PTPRU: variants seen among roughly 807,000 people sequenced by gnomAD.
PTPRU encodes the protein receptor-type tyrosine-protein phosphatase U.
Under a neutral mutation model 166.3 loss-of-function variants are expected in PTPRU, and 69 were observed. That is an observed-to-expected ratio of 0.41 (90% CI 0.34 to 0.51). The LOEUF (loss-of-function observed/expected upper bound fraction) is 0.51. PTPRU is among the 20% of genes least tolerant of loss of function. The pLI, the probability that PTPRU is intolerant of heterozygous loss-of-function variation, is 0.09. For missense variants in PTPRU, 1,657 were observed against 2,013.7 expected, an observed-to-expected ratio of 0.82 and a Z score of 3.39; for synonymous variants, 793 against 814.0, an observed-to-expected ratio of 0.97 and a Z score of 0.44.
At chr1:29,313,499 TAA>T (rs2151967584) in intron 22 of PTPRU, among the ~76,000 whole-genome samples, 1 of 152,344 alleles carries the variant, frequency 6.6e-6, no homozygotes, top group Admixed American at 6.5e-5. Flanking sequence ...GAAATATGTT[TAA>T]AAATATGAAT....
At chr1:29,293,244 T>C (rs914793488) in intron 15 of PTPRU, among the ~76,000 whole-genome samples, 20 of 152,096 alleles carry the variant, frequency 1.3e-4, no homozygotes, top group African/African-American at 4.8e-4. Context: ...TCCCAGAGTC[T>C]TGGGATTACA....
intron 7 of PTPRU, among the ~76,000 whole-genome samples, chr1:29,267,363 C>T (rs551509847): frequency 8.5e-5 from 13 of 152,234 alleles, no homozygotes; most frequent in South Asian, 4.2e-4. Flanking sequence ...TGGCATATAC[C>T]GAGGGAGGAC....
intron 7 of PTPRU, among the ~76,000 whole-genome samples, chr1:29,267,115 A>G (rs1172563485): frequency 6.6e-6 from 1 of 152,218 alleles, no homozygotes; most frequent in Non-Finnish European, 1.5e-5. Flanking sequence ...CTGTAGTCAC[A>G]GCTATTCAGG....
chr1:29,311,786 G>A lies in PTPRU; in HGVS notation c.3072+27G>A. The A allele has an allele frequency of 1.3e-6, 2 of 1,598,746 alleles. No homozygotes were observed. The highest frequency in any genetic ancestry group is 1.1e-5 in the South Asian group (1 of 89,674). ...TGAGTCTCCCCACCGCCTGTTCCCT[G>A]CAGAGGGTGCCTGAGCAGGGATTAG... On this transcript the variant is annotated intron_variant, in intron 21 of 29. Transcript: ENST00000373779. This position sits in a 1 kb window ranked among gnomAD's most constrained non-coding sequence, Gnocchi z 4.1.
At chr1:29,285,193 G>A in intron 14 of PTPRU, among the ~76,000 whole-genome samples, 1 of 152,170 alleles carries the variant, frequency 6.6e-6, no homozygotes, top group Admixed American at 6.5e-5. Flanking sequence ...GCATAGAGGT[G>A]ACCTGGCTTT....
At chr1:29,284,406 T>C (rs1182148000) in intron 13 of PTPRU, among the ~76,000 whole-genome samples, 1 of 152,158 alleles carries the variant, frequency 6.6e-6, no homozygotes, top group East Asian at 1.9e-4. Context: ...CTAATCCCTG[T>C]TACCTCCCAG....
chr1:29,272,166 C>T (rs1375495764), intron 7 of PTPRU, among the ~76,000 whole-genome samples: 9 of 152,170 alleles, frequency 5.9e-5, no homozygotes, highest in South Asian at 4.1e-4. Flanking sequence ...TGGCTTAAAA[C>T]AAAACTACAT....
intron 4 of PTPRU, 33 bp from the exon 5 acceptor site, chr1:29,259,416 G>C: frequency 5.0e-6 from 8 of 1,607,896 alleles, no homozygotes; most frequent in Non-Finnish European, 6.8e-6. Flanking sequence ...AGGGGGTGCA[G>C]GCCCAGCTCA....
In PTPRU at chr1:29,252,323, AG is replaced by A. The variant is rs1209163570; in HGVS notation, c.74-2948del. On this transcript the variant is annotated intron_variant, in intron 1 of 29. Transcript: ENST00000373779. ...CACTCTGTCACCCTGGCTGGAGTGCAGGGGTACCATCTCAGCTCACTGCAAC... is the reference window on the plus strand; with the variant it reads ...CACTCTGTCACCCTGGCTGGAGTGCAGGGTACCATCTCAGCTCACTGCAAC... 4.8e-5 allele frequency among the ~76,000 whole-genome samples: 7 copies of A among 147,004 alleles called. No individual in the cohort carries two copies. The East Asian group carries it at 1.4e-3, about 29-fold the overall frequency.
At position 29,259,559 on chromosome 1, in the gene PTPRU, T is replaced by C. The variant is rs767876425; in HGVS notation, c.670T>C (p.Leu224=). The C allele has an allele frequency of 1.3e-6, 2 of 1,588,308 alleles. No homozygotes were observed. The highest frequency in any genetic ancestry group is 2.2e-5 in the South Asian group (2 of 90,034). ...AGCGGCCGAGGCCGAACGCTTCCTC[T>C]TGCAAGTGAGCGGGAGCGGTGATCT... ...GRAAEAERFL[L]QRQSGALVPA... is the part of the protein sequence containing the mutation. The change falls in exon 5 of 30, where the codon TTG becomes CTG. Residue 224 remains leucine (L), a synonymous_variant. Coordinates refer to ENST00000373779, the MANE Select transcript of PTPRU (RefSeq NM_133178.4).
At chr1:29,308,837 C>A (rs1003450341) in intron 18 of PTPRU, among the ~76,000 whole-genome samples, 9 of 151,798 alleles carry the variant, frequency 5.9e-5, no homozygotes, top group Admixed American at 2.6e-4. Flanking sequence ...GCCTGGGTAA[C>A]ATAGTGAGAC....
At chr1:29,281,123 G>A (rs1324857105) in intron 11 of PTPRU, among the ~76,000 whole-genome samples, 3 of 152,118 alleles carry the variant, frequency 2.0e-5, no homozygotes, top group Non-Finnish European at 1.5e-5. Context: ...TAGGTGGGGG[G>A]GGTGTGAGGG....
intron 7 of PTPRU, among the ~76,000 whole-genome samples, chr1:29,274,022 T>C (rs935979301): frequency 1.3e-5 from 2 of 152,132 alleles, no homozygotes; most frequent in Admixed American, 6.6e-5. Context: ...AAGGATTAAA[T>C]GAGATAAAGC....
rs1684248636 is a variant in PTPRU at position 29,245,356 on chromosome 1, TGTG to T, written c.73+8641_73+8643del. ...CCAGATGAGATTTCGGCCCCCAACTTGTGGGGTGAGCCAGCGTGGCCGGGCAGA... is the reference window on the plus strand; with the variant it reads ...CCAGATGAGATTTCGGCCCCCAACTTGGGTGAGCCAGCGTGGCCGGGCAGA... On this transcript the variant is annotated intron_variant, in intron 1 of 29. Transcript: ENST00000373779. Among the ~76,000 whole-genome samples, 10 of 152,162 alleles carry T rather than the reference TGTG, an allele frequency of 6.6e-5. No individual in the cohort carries two copies. In the South Asian group the frequency reaches 2.1e-3, roughly 32 times the overall value.
intron 1 of PTPRU, among the ~76,000 whole-genome samples, chr1:29,245,142 A>G (rs1316569301): frequency 6.6e-6 from 1 of 152,070 alleles, no homozygotes; most frequent in Non-Finnish European, 1.5e-5. Context: ...CTGTACTTTA[A>G]TTGTCTGAGA....
chr1:29,302,142 C>A, intron 15 of PTPRU, among the ~76,000 whole-genome samples: 1 of 142,374 alleles, frequency 7.0e-6, no homozygotes, highest in East Asian at 2.0e-4. Flanking sequence ...CAGGCCTAGG[C>A]TAATGTGTAT....
Position 29,259,439 on chromosome 1 carries a change from A to G in PTPRU, c.560-10A>G. The G allele has an allele frequency of 6.2e-7, 1 of 1,609,980 alleles. No individual in the cohort carries two copies. Among genetic ancestry groups the G allele is most frequent in the Non-Finnish European group, 8.5e-7 (1 of 1,177,370 alleles). On this transcript the variant is annotated splice_polypyrimidine_tract_variant and intron_variant, in intron 4 of 29. Coordinates refer to ENST00000373779, the MANE Select transcript of PTPRU (RefSeq NM_133178.4). ...CAGGCCCAGCTCACGATGCAGCTCT[A>G]ACCCCGCAGCAAAGGCCCCACACTT...
Position 29,320,990 on chromosome 1 carries a change from CA to C in PTPRU, c.3828+167del, listed in dbSNP as rs1035225011. ...AGCCTCAGTTTCTTCATCTGTAAAA[CA>C]AGGGTGTCAGATGGGAGATCACTAG... is the stretch of plus-strand genomic sequence containing the variant. On this transcript the variant is annotated intron_variant, in intron 26 of 29. Coordinates refer to ENST00000373779, the MANE Select transcript of PTPRU (RefSeq NM_133178.4). The surrounding 1 kb of genome is among the most constrained non-coding windows in gnomAD (Gnocchi z 5.2). Among the ~76,000 whole-genome samples, 1 of 152,198 alleles carries C rather than the reference CA, an allele frequency of 6.6e-6. No individual in the cohort carries two copies. Among genetic ancestry groups the C allele is most frequent in the African/African-American group, 2.4e-5 (1 of 41,448 alleles).
rs947488706 is a variant in PTPRU, at chr1:29,247,575, A to T, written c.74-7700A>T. Among the ~76,000 whole-genome samples, 13 of 152,180 alleles carry T rather than the reference A, an allele frequency of 8.5e-5. No individual in the cohort carries two copies. In the East Asian group the frequency reaches 9.6e-4, roughly 11 times the overall value. ...CCTCTACTCTATACTCTGTCTTCGT[A>T]TGTCGCAGGGTGTCTGTGGGGCAGA... On this transcript the variant is annotated intron_variant, in intron 1 of 29. Transcript: ENST00000373779.
Sources: allele counts gnomAD v4.1 joint callset (sites outside exome capture counted in the v4.1 genomes callset), GRCh38; gene constraint gnomAD v4.1.1; non-coding constraint Gnocchi (gnomAD v3.1); transcripts MANE v1.5; gene names NCBI Gene and HGNC (gene_info 2026-07-23, HGNC 2026-07-21).